The following ALPK1 variants were observed in gnomAD, a reference collection of about 807,000 sequenced individuals.
ALPK1 encodes the protein alpha-protein kinase 1.
A neutral mutation model predicts 120.6 loss-of-function variants in ALPK1; 110 were observed. The observed-to-expected ratio is 0.91, with a 90% CI of 0.78 to 1.07. ALPK1 has a LOEUF of 1.07. ALPK1 is among the 50% of genes least tolerant of loss of function. The pLI, the probability that ALPK1 is intolerant of heterozygous loss-of-function variation, is 0.00. For synonymous variants in ALPK1, 582 were observed against 560.3 expected (o/e 1.04, Z -0.55); for missense variants, 1,498 against 1,483.9 (o/e 1.01, Z -0.16).
Position 112,431,099 on chromosome 4 carries a change from A to C in ALPK1, c.1552A>C (p.Ile518Leu). The change falls in exon 11 of 16, where the codon ATA becomes CTA. Residue 518 changes from isoleucine to leucine, a missense_variant. Coordinates refer to ENST00000650871, the MANE Select transcript of ALPK1 (RefSeq NM_025144.4). ...EKPHCQRDTG[I>L]SSSLMGKNVQ... Reference sequence around the variant, plus strand: ...GCCACATTGTCAAAGAGACACAGGAATATCTTCCTCCCTAATGGGTAAGAA... The same window carrying C: ...GCCACATTGTCAAAGAGACACAGGACTATCTTCCTCCCTAATGGGTAAGAA... 1 of 1,614,220 alleles carries C rather than the reference A, an allele frequency of 6.2e-7. No individual in the cohort carries two copies. Among genetic ancestry groups the C allele is most frequent in the South Asian group, 1.1e-5 (1 of 91,084 alleles).
intron 10 of ALPK1, 151 bp downstream of exon 10, chr4:112,429,404 A>C: frequency 1.6e-6 from 1 of 622,914 alleles, no homozygotes; most frequent in Non-Finnish European, 2.7e-6. Context: ...CACATATGGA[A>C]AAATTTTATT....
In ALPK1 at chr4:112,380,757, A is replaced by AT. The variant is rs1198137483; in HGVS notation, c.122-1640dup. ...AGAAGATGAACCTTGTCTTTTAATCATACTGGTCTTTCACCCATCATGATG... is the reference window on the plus strand; with the variant it reads ...AGAAGATGAACCTTGTCTTTTAATCATTACTGGTCTTTCACCCATCATGATG... On this transcript the variant is annotated intron_variant, in intron 3 of 15. Transcript: ENST00000650871. Among the ~76,000 whole-genome samples the AT allele has an allele frequency of 2.0e-5, 3 of 152,178 alleles. No homozygotes were observed. The East Asian group carries it at 5.8e-4, about 29-fold the overall frequency.
intron 5 of ALPK1, among the ~76,000 whole-genome samples, chr4:112,416,875 C>CAAAA (rs56919059): frequency 9.4e-6 from 1 of 106,278 alleles, no homozygotes; most frequent in Non-Finnish European, 1.9e-5. Context: ...GACCCTGTCT[C>CAAAA]AAAAAAAAAA....
At chr4:112,357,812 T>A in intron 2 of ALPK1, 1 of 1,023,816 alleles carries the variant, frequency 9.8e-7, no homozygotes. Context: ...TCATATCCCA[T>A]CATGGAAAAG....
intron 2 of ALPK1, among the ~76,000 whole-genome samples, chr4:112,326,014 A>C (rs1344063040): frequency 1.3e-5 from 2 of 152,008 alleles, no homozygotes; most frequent in African/African-American, 4.8e-5. Flanking sequence ...GAGCCATCAA[A>C]GCCTTTCCTA....
chr4:112,367,508 G>C (rs1330792337), intron 2 of ALPK1, among the ~76,000 whole-genome samples: 2 of 151,968 alleles, frequency 1.3e-5, no homozygotes, highest in African/African-American at 4.8e-5. Flanking sequence ...ATTTACATTA[G>C]GTATCATAAG....
chr4:112,429,655 G>A (rs906324036), intron 10 of ALPK1, among the ~76,000 whole-genome samples: 1 of 152,076 alleles, frequency 6.6e-6, no homozygotes, highest in Non-Finnish European at 1.5e-5. Flanking sequence ...GCAACATGGT[G>A]AGACTTTGTC....
intron 2 of ALPK1, among the ~76,000 whole-genome samples, chr4:112,375,697 C>A (rs1378190507): frequency 1.3e-5 from 2 of 151,960 alleles, no homozygotes; most frequent in African/African-American, 4.8e-5. Context: ...GTTTCACTTT[C>A]TTACCACCTG....
chr4:112,419,547 A>G (rs1733897890), intron 5 of ALPK1, among the ~76,000 whole-genome samples: 1 of 152,170 alleles, frequency 6.6e-6, no homozygotes, highest in Non-Finnish European at 1.5e-5. Flanking sequence ...ATGAAAGGAA[A>G]GAGGTAGAGA....
rs1371246937 is a variant in ALPK1 at position 112,314,919 on chromosome 4, T to C, written c.-152-882T>C. Reference sequence around the variant, plus strand: ...TTTTTTTGAGACAGTCTCACTCTGTTGCCCAGGCTGGAGTGCAGTGGCCTG... The same window carrying C: ...TTTTTTTGAGACAGTCTCACTCTGTCGCCCAGGCTGGAGTGCAGTGGCCTG... On this transcript the variant is annotated intron_variant, in intron 1 of 15. Coordinates refer to ENST00000650871, the MANE Select transcript of ALPK1 (RefSeq NM_025144.4). Among the ~76,000 whole-genome samples, 5 of 146,190 alleles carry C rather than the reference T, an allele frequency of 3.4e-5. No individual in the cohort carries two copies. In the East Asian group the frequency reaches 6.3e-4, roughly 18 times the overall value.
Position 112,432,453 on chromosome 4 carries a change from T to C in ALPK1, c.2906T>C (p.Ile969Thr), listed in dbSNP as rs758021874. The change falls in exon 11 of 16, where the codon ATC (isoleucine) becomes ACC (threonine). Residue 969 changes from isoleucine (I) to threonine (T), a missense_variant. Physicochemically the swap from Ile to Thr is moderately conservative, Grantham distance 89 (BLOSUM62 -1). Coordinates refer to ENST00000650871, the MANE Select transcript of ALPK1 (RefSeq NM_025144.4). ...VSLPGKMRKE[I>T]LEARTLQPDD... is the part of the protein sequence containing the mutation. The stretch of plus-strand genomic sequence containing the variant: ...TTGCCGGGAAAGATGAGGAAAGAGA[T>C]CCTTGAGGCTCGCACCTTGCAACCT... The C allele has an allele frequency of 1.2e-6, 2 of 1,614,042 alleles. No individual in the cohort carries two copies. The highest frequency in any genetic ancestry group is 2.7e-5 in the African/African-American group (2 of 74,996).
intron 4 of ALPK1, among the ~76,000 whole-genome samples, chr4:112,397,791 G>A (rs1045831525): frequency 6.6e-6 from 1 of 151,796 alleles, no homozygotes; most frequent in Non-Finnish European, 1.5e-5. Context: ...GGACATGTAT[G>A]CATTAGCTGG....
At chr4:112,307,271 T>G (rs1263540177) in intron 1 of ALPK1, among the ~76,000 whole-genome samples, 1 of 151,524 alleles carries the variant, frequency 6.6e-6, no homozygotes, top group Non-Finnish European at 1.5e-5. Flanking sequence ...TTAGGTCCGC[T>G]TGGTGCAGAG....
intron 4 of ALPK1, among the ~76,000 whole-genome samples, chr4:112,409,279 G>A (rs1560674875): frequency 6.6e-6 from 1 of 152,026 alleles, no homozygotes; most frequent in Non-Finnish European, 1.5e-5. Flanking sequence ...TCAAAGACAG[G>A]GGCTGTGGGC....
At chr4:112,413,517 C>A (rs1733590271) in intron 5 of ALPK1, among the ~76,000 whole-genome samples, 1 of 152,192 alleles carries the variant, frequency 6.6e-6, no homozygotes, top group Non-Finnish European at 1.5e-5. Flanking sequence ...TTCTGGGGCT[C>A]AGGTGATGTT....
intron 2 of ALPK1, among the ~76,000 whole-genome samples, chr4:112,334,526 C>A (rs748249069): frequency 6.6e-6 from 1 of 151,840 alleles, no homozygotes; most frequent in Admixed American, 6.6e-5. Context: ...CAAGTTAATA[C>A]GGCAAGAATC....
chr4:112,410,150 A>G (rs1387869536), intron 4 of ALPK1, among the ~76,000 whole-genome samples: 1 of 152,156 alleles, frequency 6.6e-6, no homozygotes, highest in Non-Finnish European at 1.5e-5. Context: ...AGATCTCTGA[A>G]CTTGCTTTGT....
chr4:112,299,416 CT>C (rs963704223), intron 1 of ALPK1, among the ~76,000 whole-genome samples: 1 of 151,984 alleles, frequency 6.6e-6, no homozygotes, highest in African/African-American at 2.4e-5. Context: ...ACATAATTTG[CT>C]TATAAAACCT....
intron 2 of ALPK1, among the ~76,000 whole-genome samples, chr4:112,333,487 T>C (rs1194269081): frequency 6.6e-6 from 1 of 152,206 alleles, no homozygotes; most frequent in Non-Finnish European, 1.5e-5. Context: ...TCTGTGTATC[T>C]TCATCCACAT....
Sources: allele counts gnomAD v4.1 joint callset (sites outside exome capture counted in the v4.1 genomes callset), GRCh38; gene constraint gnomAD v4.1.1; transcripts MANE v1.5; gene names NCBI Gene and HGNC (gene_info 2026-07-23, HGNC 2026-07-21).